Variants in ETV7 observed in about 807,000 individuals in gnomAD.
The protein encoded by ETV7 is transcription factor ETV7.
ETV7 carries 43 observed loss-of-function variants against 39.1 expected under a neutral mutation model. The ratio of observed to expected loss-of-function variants is 1.10; its 90% CI spans 0.86 to 1.42. The LOEUF is 1.42. Among genes scored for constraint, ETV7 ranks in the 40% most tolerant of loss-of-function variants. ETV7 has a pLI of 0.00. For missense variants in ETV7, 432 were observed against 442.3 expected, an observed-to-expected ratio of 0.98 and a Z score of 0.21; for synonymous variants, 196 against 176.6, an observed-to-expected ratio of 1.11 and a Z score of -0.87.
intron 4 of ETV7, 85 bp from the exon 5 acceptor site, chr6:36,371,645 C>T: frequency 1.6e-6 from 2 of 1,224,712 alleles, no homozygotes; most frequent in East Asian, 5.1e-5. Flanking sequence ...CCTGGGAGCC[C>T]TGTGGGGCAG....
intron 6 of ETV7, among the ~76,000 whole-genome samples, chr6:36,367,807 T>C (rs1227578544): frequency 6.6e-6 from 1 of 151,976 alleles, no homozygotes; most frequent in Non-Finnish European, 1.5e-5. Context: ...CTTGGACAAG[T>C]TTCTTGACCT....
chr6:36,371,328 A>G lies in ETV7; in HGVS notation c.664+2T>C. ...TGGCCAGAGGAACAGCCTCCCACTC[A>G]CCAGCGATCCTGCCGTCAATGGGGG... On this transcript the variant is annotated splice_donor_variant, in intron 5 of 7. Transcript: ENST00000340181. LOFTEE classifies it high-confidence loss of function. 3 of 1,578,064 alleles carry G rather than the reference A, an allele frequency of 1.9e-6. No homozygotes were observed. The highest frequency in any genetic ancestry group is 2.6e-6 in the Non-Finnish European group (3 of 1,160,886).
In ETV7 at chr6:36,368,946, G is replaced by A. The variant is rs753523268; in HGVS notation, c.790C>T (p.Leu264Phe). ...RVVDPNGLAR[L>F]WGNHKNRVNM... Reference sequence around the variant, plus strand: ...AGGCTCACCTTGTGATTTCCCCAGAGTCTGGCGAGCCCATTTGGATCCACA... The same window carrying A: ...AGGCTCACCTTGTGATTTCCCCAGAATCTGGCGAGCCCATTTGGATCCACA... The change falls in exon 6 of 8, where the codon CTC (leucine) becomes TTC (phenylalanine). Residue 264 changes from leucine to phenylalanine, a missense_variant. By Grantham distance (22) the Leu-to-Phe change is conservative. Transcript: ENST00000340181. 1 of 1,614,172 alleles carries A rather than the reference G, an allele frequency of 6.2e-7. No individual in the cohort carries two copies. The highest frequency in any genetic ancestry group is 1.1e-5 in the South Asian group (1 of 91,090).
At chr6:36,376,679 A>G (rs572370886) in intron 2 of ETV7, among the ~76,000 whole-genome samples, 13 of 152,068 alleles carry the variant, frequency 8.5e-5, no homozygotes, top group Admixed American at 8.5e-4. Context: ...GGGAGGCTGA[A>G]GCAGGTGAAT....
At chr6:36,362,385 C>T (rs1363771802), downstream of ETV7, among the ~76,000 whole-genome samples, 1 of 152,024 alleles carries the variant, frequency 6.6e-6, no homozygotes, top group Non-Finnish European at 1.5e-5. Flanking sequence ...ATCACTTGAA[C>T]CCAGGAAGCA....
chr6:36,386,410 C>T (rs1279705167), intron 1 of ETV7, among the ~76,000 whole-genome samples: 1 of 152,184 alleles, frequency 6.6e-6, no homozygotes, highest in East Asian at 1.9e-4. Context: ...CCACGGGAAG[C>T]CTGTATCTTT....
downstream of ETV7, among the ~76,000 whole-genome samples, chr6:36,364,822 C>T (rs1772660183): frequency 6.6e-6 from 1 of 152,226 alleles, no homozygotes; most frequent in Non-Finnish European, 1.5e-5. Context: ...GGCATGGGCT[C>T]ATCGCAGAGC....
intron 4 of ETV7, among the ~76,000 whole-genome samples, chr6:36,372,343 G>A (rs547365449): frequency 1.3e-5 from 2 of 152,282 alleles, no homozygotes; most frequent in South Asian, 4.1e-4. Flanking sequence ...GCTGGGAGGG[G>A]AAGGCAAGGG....
At chr6:36,386,661 G>C (rs951755945) in intron 1 of ETV7, among the ~76,000 whole-genome samples, 26 of 152,248 alleles carry the variant, frequency 1.7e-4, no homozygotes, top group African/African-American at 6.0e-4. Context: ...TCTGCCGAGA[G>C]AGAATTTGGA....
At chr6:36,383,665 C>T (rs1479178272) in intron 2 of ETV7, among the ~76,000 whole-genome samples, 13 of 152,154 alleles carry the variant, frequency 8.5e-5, no homozygotes, top group Admixed American at 8.5e-4. Context: ...GCTGAAAAGT[C>T]GAATCTTCAT....
Position 36,368,922 on chromosome 6 carries a change from G to T in ETV7, c.807+7C>A. ...ATGTTGAGACCATTCTGCTGGCCGA[G>T]GCTCACCTTGTGATTTCCCCAGAGT... On this transcript the variant is annotated splice_region_variant and intron_variant, in intron 6 of 7. Coordinates refer to ENST00000340181, the MANE Select transcript of ETV7 (RefSeq NM_016135.4). 6.2e-7 allele frequency: 1 copy of T among 1,614,124 alleles called. No homozygotes were observed. The highest frequency in any genetic ancestry group is 1.3e-5 in the African/African-American group (1 of 75,022).
Position 36,366,424 on chromosome 6 carries a change from G to A in ETV7, c.*221C>T. ...GCAGTAGGGGAGAGTCCATTCCCCT[G>A]TACCTCATTTAGCCCCAGGATTGCC... On this transcript the variant is annotated 3_prime_UTR_variant, in exon 8 of 8. Transcript: ENST00000340181. 1 of 1,410,214 alleles carries A rather than the reference G, an allele frequency of 7.1e-7. No homozygotes were observed. The highest frequency in any genetic ancestry group is 9.2e-7 in the Non-Finnish European group (1 of 1,084,010). 87.4% of individuals were successfully genotyped at this position (1,410,214 alleles called of 1,614,324 possible). A position where few individuals can be genotyped will look rare whatever the true frequency, so the allele number is the denominator to read the frequency against.
chr6:36,375,815 G>A (rs745418274), intron 3 of ETV7, 56 bp downstream of exon 3: 18 of 1,611,182 alleles, frequency 1.1e-5, no homozygotes, highest in East Asian at 2.2e-5. Context: ...GGGTACTTGG[G>A]CCATCCTGGC....
intron 7 of ETV7, among the ~76,000 whole-genome samples, chr6:36,360,815 C>T (rs931082625): frequency 6.6e-6 from 1 of 152,164 alleles, no homozygotes; most frequent in Non-Finnish European, 1.5e-5. Flanking sequence ...AGACCTCAGC[C>T]CTGCAAAAGG....
downstream of ETV7, among the ~76,000 whole-genome samples, chr6:36,363,326 C>T (rs1030043630): frequency 1.3e-5 from 2 of 152,140 alleles, no homozygotes; most frequent in Non-Finnish European, 2.9e-5. Context: ...TGCAGACCTT[C>T]GCGGTGAGTG....
intron 7 of ETV7, among the ~76,000 whole-genome samples, chr6:36,356,212 T>C (rs1441616817): frequency 6.7e-6 from 1 of 149,468 alleles, no homozygotes; most frequent in African/African-American, 2.5e-5. Context: ...GGCAGGTGGA[T>C]TGCATTGAGC....
chr6:36,376,076 C>T (rs539792241), intron 2 of ETV7, 41 bp from the exon 3 acceptor site: 283 of 1,559,790 alleles, frequency 1.8e-4, no homozygotes, highest in Admixed American at 4.3e-4. Context: ...CCCCGTCGGG[C>T]CTCCTCAAAG....
At position 36,371,406 on chromosome 6, in the gene ETV7, T is replaced by C; in HGVS notation, c.588A>G (p.Ala196=). Residue 196 remains alanine (A), a synonymous_variant, in exon 5 of 8, where the codon GCA becomes GCG. Coordinates refer to ENST00000340181, the MANE Select transcript of ETV7 (RefSeq NM_016135.4). Reference sequence around the variant, plus strand: ...CCCCCTGGGTCCTGCAGCCGAGCTCTGCACAGTGACATAAGTTGAGGGACT... The same window carrying C: ...CCCCCTGGGTCCTGCAGCCGAGCTCCGCACAGTGACATAAGTTGAGGGACT... The part of the protein sequence containing the change: ...KEESLNLCHC[A]ELGCRTQGVC... The C allele has an allele frequency of 1.9e-6, 3 of 1,603,646 alleles. No homozygotes were observed. Among genetic ancestry groups the C allele is most frequent in the Non-Finnish European group, 2.6e-6 (3 of 1,174,496 alleles).
rs550098555 is a variant in ETV7, at chr6:36,373,574, G to C, written c.312C>G (p.Asp104Glu). The C allele has an allele frequency of 6.6e-6, 6 of 907,234 alleles. No homozygotes were observed. The highest frequency in any genetic ancestry group is 9.4e-6 in the Non-Finnish European group (6 of 635,960). 56.2% of individuals were successfully genotyped at this position (907,234 alleles called of 1,614,324 possible). ...TGTACTGGAGCAGCTCATACAGGAC[G>C]TCACCTGGAGGTGGGTGGGAGGGAG... ...DFRHRAPSSG[D>E]VLYELLQYIK... Residue 104 changes from aspartate to glutamate, a missense_variant, in exon 4 of 8, where the codon GAC becomes GAG. Physicochemically the swap from Asp to Glu is conservative, Grantham distance 45. Transcript: ENST00000340181.
Sources: gnomAD v4.1 joint callset for allele counts (sites outside exome capture counted in the v4.1 genomes callset) on GRCh38, gnomAD v4.1.1 for gene constraint, MANE v1.5 for transcripts, NCBI Gene and HGNC (gene_info 2026-07-23, HGNC 2026-07-21) for gene names.